The following HEXD variants were observed in gnomAD, a reference collection of about 807,000 sequenced individuals.
HEXD encodes the protein hexosaminidase D, also known as N-acetyl-beta-galactosaminidase.
HEXD carries 47 observed loss-of-function variants against 54.2 expected under a neutral mutation model. That is an observed-to-expected ratio of 0.87 (90% confidence interval 0.69 to 1.11). HEXD has a LOEUF of 1.11. HEXD is among the 50% of genes least tolerant of loss of function. The pLI, the probability that HEXD is intolerant of heterozygous loss-of-function variation, is 0.00. For missense variants in HEXD, 576 were observed against 649.2 expected, an observed-to-expected ratio of 0.89 and a Z score of 1.23; for synonymous variants, 293 against 287.6, an observed-to-expected ratio of 1.02 and a Z score of -0.19.
chr17:82,433,126 ATATTTT>A lies in HEXD; in HGVS notation c.283-530_283-525del, dbSNP rs2053652944. Among the ~76,000 whole-genome samples, 5 of 13,550 alleles carry A rather than the reference ATATTTT, an allele frequency of 3.7e-4. No homozygotes were observed. The Admixed American group carries it at 3.9e-3, about 10-fold the overall frequency. The allele number at this position is 13,550 out of a possible 152,430, so 8.9% of individuals were successfully genotyped here. ...TATATATATATATATATATATATAT[ATATTTT>A]TTTTTTTTTTTTATATATATATTTT... is the stretch of plus-strand genomic sequence containing the variant. On this transcript the variant is annotated intron_variant, in intron 4 of 12. Coordinates refer to ENST00000327949, the MANE Select transcript of HEXD (RefSeq NM_001330542.2).
Position 82,442,301 on chromosome 17 carries a change from G to C in HEXD, c.1378G>C (p.Ala460Pro). Residue 460 changes from alanine to proline, a missense_variant, in exon 13 of 13, where the codon GCT becomes CCT. Ala to Pro is a conservative substitution (Grantham distance 27). Transcript: ENST00000327949. The surrounding 1 kb of genome is among the most constrained non-coding windows in gnomAD (Gnocchi z 6.8). Reference protein sequence around the residue: ...NVHPSLQRLQALLQDLSEVSA... With the variant: ...NVHPSLQRLQPLLQDLSEVSA... ...GCACCCCAGCCTGCAGCGGCTGCAA[G>C]CTCTGCTGCAGGACCTCAGCGAGGT... The C allele has an allele frequency of 6.2e-7, 1 of 1,609,364 alleles. No homozygotes were observed. Among genetic ancestry groups the C allele is most frequent in the South Asian group, 1.1e-5 (1 of 91,086 alleles).
rs1009477525 is a variant in HEXD at position 82,440,861 on chromosome 17, C to T, written c.983-136C>T. On this transcript the variant is annotated intron_variant, in intron 9 of 12. Coordinates refer to ENST00000327949, the MANE Select transcript of HEXD (RefSeq NM_001330542.2). ...CCCAGGTCCCCTTGGGGCCGGCACA[C>T]GCGGGGCTGGGCCTGGCCAGTGGCT... 2.0e-5 allele frequency: 19 copies of T among 948,152 alleles called. 1 individual carries two copies. Among genetic ancestry groups the T allele is most frequent in the South Asian group, 1.0e-4 (7 of 68,594 alleles). The allele number at this position is 948,152 out of a possible 1,614,324, so 58.7% of individuals were successfully genotyped here. A position where few individuals can be genotyped will look rare whatever the true frequency, so the allele number is the denominator to read the frequency against.
At chr17:82,435,599 C>T in intron 5 of HEXD, 90 bp from the exon 6 acceptor site, 2 of 1,350,170 alleles carry the variant, frequency 1.5e-6, no homozygotes, top group Non-Finnish European at 2.0e-6. Flanking sequence ...AGGCAGCGGC[C>T]CCTCTCCGTC....
chr17:82,440,872 G>T, intron 9 of HEXD, 125 bp from the exon 10 acceptor site: 1 of 1,078,548 alleles, frequency 9.3e-7, no homozygotes. Flanking sequence ...GCGGGGCTGG[G>T]CCTGGCCAGT....
intron 2 of HEXD, chr17:82,423,314 C>T (rs2053291827): frequency 6.6e-6 from 1 of 152,226 alleles, no homozygotes; most frequent in Non-Finnish European, 1.5e-5. Flanking sequence ...CCTTCCATGT[C>T]CGGCAGTTCA....
intron 4 of HEXD, among the ~76,000 whole-genome samples, chr17:82,433,087 A>AT (rs2053632784): frequency 5.8e-5 from 1 of 17,336 alleles, no homozygotes; most frequent in Non-Finnish European, 8.3e-5. Context: ...GAAAAAAAAA[A>AT]AAAAATATAT....
At chr17:82,419,250 A>G (rs1282370961) in intron 1 of HEXD, among the ~76,000 whole-genome samples, 1 of 152,174 alleles carries the variant, frequency 6.6e-6, no homozygotes, top group African/African-American at 2.4e-5. Flanking sequence ...CTTAAATCCT[A>G]GACAGTTTTC....
At chr17:82,437,012 C>T (rs1038720913) in intron 7 of HEXD, 156 bp from the exon 8 acceptor site, 13 of 725,298 alleles carry the variant, frequency 1.8e-5, no homozygotes, top group Admixed American at 2.4e-5. Flanking sequence ...GGACCCGGGC[C>T]GGCCGCATAC....
intron 2 of HEXD, chr17:82,420,304 A>C (rs970928357): frequency 2.6e-5 from 4 of 153,074 alleles, no homozygotes; most frequent in Admixed American, 2.0e-4. Context: ...GAGGAGAGGG[A>C]AATTTAGAGC....
intron 4 of HEXD, among the ~76,000 whole-genome samples, chr17:82,429,628 G>T (rs1309206154): frequency 1.3e-5 from 2 of 152,142 alleles, no homozygotes; most frequent in African/African-American, 4.8e-5. Flanking sequence ...GACGGTTTTA[G>T]TCCTTTCCTG....
intron 3 of HEXD, chr17:82,427,003 G>A (rs995241808): frequency 6.6e-6 from 1 of 152,194 alleles, no homozygotes; most frequent in African/African-American, 2.4e-5. Flanking sequence ...AGGCATAGTG[G>A]TGGGCGCCTG....
intron 6 of HEXD, 49 bp downstream of exon 6, chr17:82,435,921 A>G: frequency 6.5e-7 from 1 of 1,547,272 alleles, no homozygotes; most frequent in Non-Finnish European, 8.8e-7. Context: ...ACTGCCCAAG[A>G]CCTGCGGCTT....
intron 11 of HEXD, among the ~76,000 whole-genome samples, chr17:82,441,585 A>AG (rs910181101): frequency 1.5e-5 from 2 of 135,210 alleles, no homozygotes; most frequent in African/African-American, 5.7e-5. Context: ...GGTGTGGGTG[A>AG]GGGGGGTAGG....
intron 4 of HEXD, among the ~76,000 whole-genome samples, chr17:82,433,091 A>AAAAATATATATATATAT (rs1555617647): frequency 7.6e-5 from 1 of 13,234 alleles, no homozygotes; most frequent in Non-Finnish European, 1.0e-4. Flanking sequence ...AAAAAAAAAA[A>AAAAATATATATATATAT]ATATATATAT....
At chr17:82,424,692 A>G (rs1038035317) in intron 3 of HEXD, among the ~76,000 whole-genome samples, 189 bp downstream of exon 3, 1 of 152,274 alleles carries the variant, frequency 6.6e-6, no homozygotes, top group Non-Finnish European at 1.5e-5. Flanking sequence ...TTTCATTTCA[A>G]ACATTCACTG....
chr17:82,439,948 A>G, intron 9 of HEXD: 1 of 1,505,490 alleles, frequency 6.6e-7, no homozygotes, highest in Non-Finnish European at 8.9e-7. Context: ...GTGACGCGGG[A>G]GGCACCCCTC....
intron 2 of HEXD, among the ~76,000 whole-genome samples, chr17:82,422,110 A>C (rs1173266482): frequency 6.7e-6 from 1 of 148,868 alleles, no homozygotes; most frequent in Non-Finnish European, 1.5e-5. Flanking sequence ...AGGTTGCAGT[A>C]AGCCGAGATT....
At chr17:82,437,723 G>A (rs2053813028) in intron 8 of HEXD, among the ~76,000 whole-genome samples, 1 of 152,060 alleles carries the variant, frequency 6.6e-6, no homozygotes, top group Non-Finnish European at 1.5e-5. Flanking sequence ...GTCTCAATTC[G>A]GACCCCACGA....
Position 82,434,711 on chromosome 17 carries a change from G to A in HEXD, c.447+889G>A, listed in dbSNP as rs889423553. 2.0e-5 allele frequency among the ~76,000 whole-genome samples: 3 copies of A among 151,942 alleles called. No homozygotes were observed. Among genetic ancestry groups the A allele is most frequent in the Non-Finnish European group, 2.9e-5 (2 of 68,004 alleles). The stretch of plus-strand genomic sequence containing the variant: ...AAATCAGCCGGGCGTGATGGCGGGC[G>A]CCTGTAATCCCAGCTACTCAGGAGG... On this transcript the variant is annotated intron_variant, in intron 5 of 12. Transcript: ENST00000327949. This position sits in a 1 kb window ranked among gnomAD's most constrained non-coding sequence, Gnocchi z 4.5.
Sources: gnomAD v4.1 joint callset for allele counts (sites outside exome capture counted in the v4.1 genomes callset) on GRCh38, gnomAD v4.1.1 for gene constraint, Gnocchi (gnomAD v3.1) non-coding constraint, MANE v1.5 for transcripts, NCBI Gene and HGNC (gene_info 2026-07-23, HGNC 2026-07-21) for gene names.